MBNL2: variants seen among roughly 807,000 people sequenced by gnomAD.
MBNL2 encodes the protein muscleblind like splicing regulator 2.
MBNL2 carries 17 observed loss-of-function variants against 41.9 expected under a neutral mutation model. The ratio of observed to expected loss-of-function variants is 0.41; its 90% CI spans 0.28 to 0.61. The LOEUF (loss-of-function observed/expected upper bound fraction) is 0.61, where lower values mean the gene tolerates loss of function less well. Ranked by LOEUF, MBNL2 falls within the 20% of genes least tolerant of loss-of-function variation. MBNL2 has a pLI of 0.35. For synonymous variants in MBNL2, 195 were observed against 182.9 expected (o/e 1.07, Z -0.53); for missense variants, 336 against 505.6 (o/e 0.66, Z 3.22).
At chr13:97,266,261 AT>A (rs2049771366) in intron 1 of MBNL2, among the ~76,000 whole-genome samples, 1 of 151,716 alleles carries the variant, frequency 6.6e-6, no homozygotes, top group Non-Finnish European at 1.5e-5. Context: ...AAATAAATAA[AT>A]TAATTAATTA....
chr13:97,286,119 G>A (rs1341387699), intron 2 of MBNL2, among the ~76,000 whole-genome samples: 1 of 152,170 alleles, frequency 6.6e-6, no homozygotes, highest in African/African-American at 2.4e-5. Context: ...TCTCAGCCCT[G>A]ATTTCTCTCC....
At chr13:97,167,016 G>A in the MBNL2 span, among the ~76,000 whole-genome samples, 2 of 151,972 alleles carry the variant, frequency 1.3e-5, no homozygotes, top group Non-Finnish European at 2.9e-5. Context: ...CTCCCCATTG[G>A]GCTCTGCTTC....
intron 2 of MBNL2, among the ~76,000 whole-genome samples, chr13:97,296,113 T>G (rs1002140528): frequency 6.6e-6 from 1 of 152,200 alleles, no homozygotes; most frequent in Non-Finnish European, 1.5e-5. Context: ...TCTGTCAGAT[T>G]CTATCCACGC....
At chr13:97,331,963 A>T (rs2060473833) in intron 2 of MBNL2, among the ~76,000 whole-genome samples, 1 of 152,228 alleles carries the variant, frequency 6.6e-6, no homozygotes, top group African/African-American at 2.4e-5. Context: ...TTCCAGCCAA[A>T]TTGAAATGTG....
At chr13:97,197,225 T>G in the MBNL2 span, among the ~76,000 whole-genome samples, 1 of 152,242 alleles carries the variant, frequency 6.6e-6, no homozygotes, top group Admixed American at 6.5e-5. Context: ...TGTTTCTATT[T>G]TTATTAAAAA....
chr13:97,206,044 T>C, the MBNL2 span, among the ~76,000 whole-genome samples: 2 of 152,292 alleles, frequency 1.3e-5, no homozygotes, highest in African/African-American at 4.8e-5. Flanking sequence ...AGATTATAGA[T>C]CAAAGCTATT....
chr13:97,241,161 C>T (rs1015893081), intron 1 of MBNL2, among the ~76,000 whole-genome samples: 1 of 152,140 alleles, frequency 6.6e-6, no homozygotes, highest in Non-Finnish European at 1.5e-5. Context: ...AACTGAAGTC[C>T]CCTTCCTTCC....
intron 2 of MBNL2, among the ~76,000 whole-genome samples, chr13:97,317,307 T>G (rs1017505528): frequency 6.6e-6 from 1 of 152,120 alleles, no homozygotes; most frequent in Admixed American, 6.5e-5. Flanking sequence ...GTGGATAAAA[T>G]GAACAAAATA....
chr13:97,185,518 A>G, the MBNL2 span, among the ~76,000 whole-genome samples: 22 of 152,322 alleles, frequency 1.4e-4, no homozygotes, highest in East Asian at 3.1e-3. Flanking sequence ...TATTGAGCTC[A>G]ATGTACTCAC....
chr13:97,266,246 A>AAAAT (rs201493132), intron 1 of MBNL2, among the ~76,000 whole-genome samples: 2 of 152,160 alleles, frequency 1.3e-5, no homozygotes, highest in South Asian at 4.1e-4. Context: ...CATCTCACGA[A>AAAAT]AAATAAATAA....
the MBNL2 span, among the ~76,000 whole-genome samples, chr13:97,171,371 G>T: frequency 6.6e-6 from 1 of 152,140 alleles, no homozygotes; most frequent in Non-Finnish European, 1.5e-5. Context: ...AAAGCTGACA[G>T]TGCCAGAATC....
At chr13:97,362,144 A>AT (rs76732656) in intron 7 of MBNL2, among the ~76,000 whole-genome samples, 312 of 150,952 alleles carry the variant, frequency 2.1e-3, no homozygotes, top group African/African-American at 6.8e-3. Flanking sequence ...CAGATTTTGG[A>AT]TTTTTTTTTC....
rs560332747 is a variant in MBNL2 at position 97,310,938 on chromosome 13, C to G, written c.175-23338C>G. On this transcript the variant is annotated intron_variant, in intron 2 of 8. Coordinates refer to ENST00000679496, the MANE Select transcript of MBNL2 (RefSeq NM_001382683.1). ...TAAGGTAAAAAGAAAAACATGTGCT[C>G]ATTGTCTGATAAAAATCAATGTAAT... is the stretch of plus-strand genomic sequence containing the variant. 6.8e-3 allele frequency among the ~76,000 whole-genome samples: 1,038 copies of G among 152,128 alleles called. 4 individuals carry two copies. Among genetic ancestry groups the G allele is most frequent in the Non-Finnish European group, 0.011 (780 of 68,014 alleles).
chr13:97,333,105 C>T (rs2060564535), intron 2 of MBNL2, among the ~76,000 whole-genome samples: 1 of 152,152 alleles, frequency 6.6e-6, no homozygotes, highest in South Asian at 2.1e-4. Context: ...AAATTCATTT[C>T]CCCAGATCCC....
At chr13:97,165,661 A>G in the MBNL2 span, among the ~76,000 whole-genome samples, 1 of 152,228 alleles carries the variant, frequency 6.6e-6, no homozygotes, top group Non-Finnish European at 1.5e-5. Flanking sequence ...TAACAGAGAC[A>G]CTCAACAAGT....
rs535929986 is a variant in MBNL2, at chr13:97,327,279, G to A, written c.175-6997G>A. Among the ~76,000 whole-genome samples the A allele has an allele frequency of 5.9e-5, 9 of 152,050 alleles. No homozygotes were observed. The East Asian group carries it at 1.2e-3, about 20-fold the overall frequency. ...TCTCCTCAAACCTCATCACGTAGAC[G>A]TCTCATAATTCTCAGAACATACCTG... On this transcript the variant is annotated intron_variant, in intron 2 of 8. Transcript: ENST00000679496.
chr13:97,289,423 C>A (rs1267938589), intron 2 of MBNL2, among the ~76,000 whole-genome samples: 1 of 152,028 alleles, frequency 6.6e-6, no homozygotes, highest in Non-Finnish European at 1.5e-5. Context: ...TAGCAGCCCT[C>A]ATTGGAGGCA....
chr13:97,142,931 A>T, the MBNL2 span, among the ~76,000 whole-genome samples: 1 of 152,180 alleles, frequency 6.6e-6, no homozygotes, highest in East Asian at 1.9e-4. Flanking sequence ...AGAAGGTAGC[A>T]GGTCTTGTCT....
intron 5 of MBNL2, among the ~76,000 whole-genome samples, chr13:97,351,406 G>C (rs1041936642): frequency 6.6e-6 from 1 of 152,224 alleles, no homozygotes; most frequent in Admixed American, 6.5e-5. Context: ...GCAAGAGTCA[G>C]CTGCTGTACT....
Sources: allele counts gnomAD v4.1 joint callset (sites outside exome capture counted in the v4.1 genomes callset), GRCh38; gene constraint gnomAD v4.1.1; transcripts MANE v1.5; gene names NCBI Gene and HGNC (gene_info 2026-07-23, HGNC 2026-07-21).